Variants in TCERG1L observed in about 807,000 individuals in gnomAD.
TCERG1L encodes the protein transcription elongation regulator 1 like.
TCERG1L carries 37 observed loss-of-function variants against 56.3 expected under a neutral mutation model. That is an observed-to-expected ratio of 0.66 (90% CI 0.51 to 0.87). The LOEUF (loss-of-function observed/expected upper bound fraction) is 0.87, where lower values mean the gene tolerates loss of function less well. Among genes scored for constraint, TCERG1L ranks in the 40% least tolerant of loss-of-function variants. The pLI is 0.00. For missense variants in TCERG1L, 799 were observed against 774.2 expected, an observed-to-expected ratio of 1.03 and a Z score of -0.38; for synonymous variants, 324 against 326.3, an observed-to-expected ratio of 0.99 and a Z score of 0.08.
chr10:131,122,597 C>T (rs2133394541), intron 8 of TCERG1L, among the ~76,000 whole-genome samples: 1 of 152,344 alleles, frequency 6.6e-6, no homozygotes, highest in East Asian at 1.9e-4. Flanking sequence ...TTCCCAGTCT[C>T]ACCCCATGAG....
At chr10:131,227,286 A>C (rs1330581420) in intron 4 of TCERG1L, among the ~76,000 whole-genome samples, 2 of 152,216 alleles carry the variant, frequency 1.3e-5, no homozygotes, top group African/African-American at 4.8e-5. Context: ...GGTCTGAAAA[A>C]GGTGATCCCT....
At chr10:131,255,780 T>G (rs1846160057) in intron 4 of TCERG1L, among the ~76,000 whole-genome samples, 2 of 152,238 alleles carry the variant, frequency 1.3e-5, no homozygotes, top group African/African-American at 4.8e-5. Flanking sequence ...TCTAGACAAG[T>G]GAGCCAGACC....
At chr10:131,255,081 A>C (rs1846153494) in intron 4 of TCERG1L, among the ~76,000 whole-genome samples, 1 of 152,232 alleles carries the variant, frequency 6.6e-6, no homozygotes. Context: ...TGCCCCGGGC[A>C]GAACACCAGC....
chr10:131,134,338 C>T (rs770367475), intron 8 of TCERG1L, 41 bp downstream of exon 8: 8 of 1,534,608 alleles, frequency 5.2e-6, no homozygotes, highest in Non-Finnish European at 7.1e-6. Context: ...CCTGAGTACA[C>T]AGTAGGGAAA....
chr10:131,108,769 G>T (rs565693162), intron 9 of TCERG1L, among the ~76,000 whole-genome samples: 1 of 152,180 alleles, frequency 6.6e-6, no homozygotes, highest in African/African-American at 2.4e-5. Flanking sequence ...CTTTGCTCGC[G>T]TCTGGTGCTT....
intron 4 of TCERG1L, among the ~76,000 whole-genome samples, chr10:131,236,490 G>A (rs749600813): frequency 6.6e-6 from 1 of 152,196 alleles, no homozygotes; most frequent in African/African-American, 2.4e-5. Flanking sequence ...GTGCCCTGTG[G>A]CTACCGCTGC....
intron 4 of TCERG1L, among the ~76,000 whole-genome samples, chr10:131,251,977 A>G (rs559047751): frequency 6.6e-6 from 1 of 152,140 alleles, no homozygotes; most frequent in Non-Finnish European, 1.5e-5. Flanking sequence ...CCCTTCTACT[A>G]TCTGTCCCTG....
intron 4 of TCERG1L, among the ~76,000 whole-genome samples, chr10:131,178,446 C>G (rs1014546446): frequency 6.6e-6 from 1 of 152,152 alleles, no homozygotes; most frequent in African/African-American, 2.4e-5. Context: ...AAAGGTCTAC[C>G]AGATGGCGGC....
chr10:131,294,678 A>G (rs968663050), intron 3 of TCERG1L, among the ~76,000 whole-genome samples: 4 of 152,204 alleles, frequency 2.6e-5, no homozygotes, highest in Admixed American at 1.3e-4. Flanking sequence ...TTTGAAAAAC[A>G]TGAGCATAGA....
At chr10:131,223,165 G>C (rs978846454) in intron 4 of TCERG1L, among the ~76,000 whole-genome samples, 1 of 152,234 alleles carries the variant, frequency 6.6e-6, no homozygotes, top group Admixed American at 6.5e-5. Flanking sequence ...CCTCGCGCCA[G>C]GAGACCAGGA....
chr10:131,256,988 GGAAGGAAAGAAAGAAA>G (rs1339491434), intron 4 of TCERG1L, among the ~76,000 whole-genome samples: 1,296 of 72,166 alleles, frequency 0.018, 10 homozygotes, highest in Middle Eastern at 0.028. Flanking sequence ...AAGGAAGGAA[GGAAGGAAAGAAAGAAA>G]GAAAGAAAGA....
intron 8 of TCERG1L, among the ~76,000 whole-genome samples, chr10:131,130,532 GC>G (rs1317586321): frequency 3.3e-5 from 5 of 152,188 alleles, no homozygotes; most frequent in Admixed American, 6.5e-5. Flanking sequence ...GTGTCCCTCT[GC>G]CTGTCATCCT....
At chr10:131,272,286 G>A (rs1005694505) in intron 3 of TCERG1L, among the ~76,000 whole-genome samples, 2 of 152,218 alleles carry the variant, frequency 1.3e-5, no homozygotes, top group African/African-American at 4.8e-5. Context: ...TCTGACTGAG[G>A]CGCCCTGCAG....
At chr10:131,163,351 GC>G in intron 5 of TCERG1L, 141 bp from the exon 6 acceptor site, 1 of 644,628 alleles carries the variant, frequency 1.6e-6, no homozygotes, top group Non-Finnish European at 2.5e-6. Flanking sequence ...CAGCACGGCA[GC>G]GCCTGGCTGG....
chr10:131,302,986 CACGGTGT>C (rs1846781193), intron 3 of TCERG1L, among the ~76,000 whole-genome samples: 1 of 151,996 alleles, frequency 6.6e-6, no homozygotes, highest in African/African-American at 2.4e-5. Context: ...CATAGTATTC[CACGGTGT>C]ATATGTGCCA....
chr10:131,195,515 T>C (rs1048912400), intron 4 of TCERG1L, among the ~76,000 whole-genome samples: 2 of 152,180 alleles, frequency 1.3e-5, no homozygotes, highest in African/African-American at 4.8e-5. Flanking sequence ...GATGTTCTCC[T>C]TGCTGCTCTT....
intron 4 of TCERG1L, among the ~76,000 whole-genome samples, chr10:131,215,371 G>A (rs980802702): frequency 2.0e-5 from 3 of 152,168 alleles, no homozygotes; most frequent in Non-Finnish European, 2.9e-5. Context: ...ACTGCTGAGA[G>A]GAAATTACCT....
chr10:131,130,668 G>A (rs778493204), intron 8 of TCERG1L, among the ~76,000 whole-genome samples: 2 of 152,134 alleles, frequency 1.3e-5, no homozygotes, highest in African/African-American at 2.4e-5. Context: ...GTTCTCTTAC[G>A]GGAGAGGAAA....
At chr10:131,241,554 C>T (rs1022920954) in intron 4 of TCERG1L, among the ~76,000 whole-genome samples, 4 of 151,756 alleles carry the variant, frequency 2.6e-5, no homozygotes, top group African/African-American at 9.7e-5. Flanking sequence ...AATATAAAAA[C>T]ATAAGAGAGG....
Sources: allele counts gnomAD v4.1 joint callset (sites outside exome capture counted in the v4.1 genomes callset), GRCh38; gene constraint gnomAD v4.1.1; transcripts MANE v1.5; gene names NCBI Gene and HGNC (gene_info 2026-07-23, HGNC 2026-07-21).